The following MAPKAPK5 variants were observed in gnomAD, a reference collection of about 807,000 sequenced individuals.
The protein encoded by MAPKAPK5 is MAPK activated protein kinase 5.
MAPKAPK5 carries 30 observed loss-of-function variants against 65.1 expected under a neutral mutation model. That is an observed-to-expected ratio of 0.46 (90% CI 0.34 to 0.63). The LOEUF (loss-of-function observed/expected upper bound fraction) is 0.63, where lower values mean the gene tolerates loss of function less well. Among genes scored for constraint, MAPKAPK5 ranks in the 20% least tolerant of loss-of-function variants. MAPKAPK5 has a pLI of 0.01. For missense variants in MAPKAPK5, 433 were observed against 581.4 expected, an observed-to-expected ratio of 0.74 and a Z score of 2.63; for synonymous variants, 179 against 204.6, an observed-to-expected ratio of 0.87 and a Z score of 1.07.
intron 1 of MAPKAPK5, among the ~76,000 whole-genome samples, chr12:111,847,409 CCCTGTATCTTCTATTA>C (rs2068940954): frequency 1.3e-5 from 2 of 151,670 alleles, no homozygotes; most frequent in Admixed American, 1.3e-4. Context: ...ATCTTCTATT[CCCTGTATCTTCTATTA>C]CCTGTATCTC....
chr12:111,851,348 AAG>A (rs1384174026), intron 1 of MAPKAPK5, among the ~76,000 whole-genome samples: 1 of 152,020 alleles, frequency 6.6e-6, no homozygotes, highest in Non-Finnish European at 1.5e-5. Context: ...CTTTTTGAGA[AAG>A]AGTCTGGCTC....
intron 9 of MAPKAPK5, 163 bp from the exon 10 acceptor site, chr12:111,885,753 A>C: frequency 1.3e-6 from 1 of 755,330 alleles, no homozygotes; most frequent in South Asian, 1.9e-5. Flanking sequence ...TAGTACCCCT[A>C]CAAGTGGTTG....
chr12:111,870,196 C>T, intron 5 of MAPKAPK5, 75 bp from the exon 6 acceptor site: 2 of 971,186 alleles, frequency 2.1e-6, no homozygotes, highest in Non-Finnish European at 3.0e-6. Context: ...TTTTGACATC[C>T]TGAGTTCTCT....
At position 111,900,440 on chromosome 12, in the gene MAPKAPK5, T is replaced by C. The variant is rs1251170379; in HGVS notation, c.*7379T>C. ...AAGATAAGCACTTTTGCCTCATGCA[T>C]GAAAATATCACAAAAGAAAGTGGCT... On this transcript the variant is annotated 3_prime_UTR_variant, in exon 14 of 14. Coordinates refer to ENST00000550735, the MANE Select transcript of MAPKAPK5 (RefSeq NM_003668.4). 1 of 456,030 alleles carries C rather than the reference T, an allele frequency of 2.2e-6. No individual in the cohort carries two copies. The highest frequency in any genetic ancestry group is 4.4e-6 in the Non-Finnish European group (1 of 226,784). 28.2% of individuals were successfully genotyped at this position (456,030 alleles called of 1,614,324 possible). A position where few individuals can be genotyped will look rare whatever the true frequency, so the allele number is the denominator to read the frequency against.
chr12:111,855,542 G>T (rs1008486175), intron 1 of MAPKAPK5, among the ~76,000 whole-genome samples: 10 of 152,046 alleles, frequency 6.6e-5, no homozygotes, highest in Admixed American at 4.6e-4. Context: ...TAAGTGTGTT[G>T]TTTAGGCCAG....
At position 111,885,900 on chromosome 12, in the gene MAPKAPK5, G is replaced by A; in HGVS notation, c.849-16G>A. On this transcript the variant is annotated splice_polypyrimidine_tract_variant and intron_variant, in intron 9 of 13. Coordinates refer to ENST00000550735, the MANE Select transcript of MAPKAPK5 (RefSeq NM_003668.4). ...AGCAACTGTGCATGGCAGCCCTGTTGGCGTTTTCTCCACAGGCTCCTGAAG... is the reference window on the plus strand; with the variant it reads ...AGCAACTGTGCATGGCAGCCCTGTTAGCGTTTTCTCCACAGGCTCCTGAAG... 3 of 1,613,806 alleles carry A rather than the reference G, an allele frequency of 1.9e-6. No individual in the cohort carries two copies.
rs1345327834 is a variant in MAPKAPK5, at chr12:111,901,041, A to C, written c.*7980A>C. On this transcript the variant is annotated 3_prime_UTR_variant, in exon 14 of 14. Coordinates refer to ENST00000550735, the MANE Select transcript of MAPKAPK5 (RefSeq NM_003668.4). ...TGGTAATATATTTTGTGGGAAACTTATATGTTCAGGTATTACAGGCTTACC... is the reference window on the plus strand; with the variant it reads ...TGGTAATATATTTTGTGGGAAACTTCTATGTTCAGGTATTACAGGCTTACC... The C allele has an allele frequency of 4.4e-6, 2 of 455,938 alleles. No homozygotes were observed. Among genetic ancestry groups the C allele is most frequent in the Admixed American group, 4.7e-5 (2 of 42,550 alleles). The allele number at this position is 455,938 out of a possible 1,614,324, so 28.2% of individuals were successfully genotyped here.
intron 1 of MAPKAPK5, 76 bp from the exon 2 acceptor site, chr12:111,865,174 G>C: frequency 1.1e-6 from 1 of 894,214 alleles, no homozygotes; most frequent in Non-Finnish European, 1.8e-6. Context: ...CAGGTCTTCT[G>C]TTGTCCCATC....
chr12:111,865,420 G>T, intron 2 of MAPKAPK5, 97 bp downstream of exon 2: 1 of 828,286 alleles, frequency 1.2e-6, no homozygotes, highest in South Asian at 1.5e-5. Context: ...CACATCAGGT[G>T]TGCCAGATTT....
rs2070489024 is a variant in MAPKAPK5, at chr12:111,888,509, C to G, written c.991C>G (p.Gln331Glu). 2 of 1,613,772 alleles carry G rather than the reference C, an allele frequency of 1.2e-6. No individual in the cohort carries two copies. Among genetic ancestry groups the G allele is most frequent in the African/African-American group, 1.3e-5 (1 of 74,912 alleles). Residue 331 changes from glutamine to glutamate, a missense_variant, in exon 11 of 14, where the codon CAG becomes GAG. This residue lies in a region of MAPKAPK5 where 169 missense variants were observed against 215.6 expected (regional missense o/e 0.78). Transcript: ENST00000550735. ...TCAGGCAGTGGTTGCAGGAATCCAG[C>G]AGGCTCACGCGGAACAGTTGGCCAA... ...MDKAVVAGIQ[Q>E]AHAEQLANMR...
At position 111,880,484 on chromosome 12, in the gene MAPKAPK5, C is replaced by A. The variant is rs1049589744; in HGVS notation, c.617C>A (p.Ser206Tyr). The change falls in exon 8 of 14, where the codon TCT (serine) becomes TAT (tyrosine). Residue 206 changes from serine to tyrosine, a missense_variant. Physicochemically the swap from Ser to Tyr is moderately radical, Grantham distance 144. Transcript: ENST00000550735. ...CAAAGAAGGCATCAGAAGGAGAAAT[C>A]TGGCATCATACCTACCTCACCGACG... ...EAQRRHQKEK[S>Y]GIIPTSPTPY... 1.9e-6 allele frequency: 3 copies of A among 1,612,644 alleles called. No individual in the cohort carries two copies. Among genetic ancestry groups the A allele is most frequent in the Admixed American group, 3.3e-5 (2 of 59,908 alleles).
At chr12:111,856,395 C>CT (rs59520011) in intron 1 of MAPKAPK5, among the ~76,000 whole-genome samples, 129,619 of 143,338 alleles carry the variant, frequency 0.9, 58,859 homozygotes, top group East Asian at 1. Context: ...TCTCCCTCTT[C>CT]TTTTTTTTTC....
chr12:111,894,766 ATGTGTGTGTG>A lies in MAPKAPK5; in HGVS notation c.*1722_*1731del, dbSNP rs1555276322. 9 of 146,020 alleles carry A rather than the reference ATGTGTGTGTG, an allele frequency of 6.2e-5. No individual in the cohort carries two copies. Among genetic ancestry groups the A allele is most frequent in the Non-Finnish European group, 1.0e-4 (7 of 66,778 alleles). The allele number at this position is 146,020 out of a possible 1,614,324, so 9.0% of individuals were successfully genotyped here. A position where few individuals can be genotyped will look rare whatever the true frequency, so the allele number is the denominator to read the frequency against. ...CCATAACAAACCAATTTTCGTGTAT[ATGTGTGTGTG>A]TGTGTGTGTGTGTGTGAAGCAGTTT... On this transcript the variant is annotated 3_prime_UTR_variant, in exon 14 of 14. Coordinates refer to ENST00000550735, the MANE Select transcript of MAPKAPK5 (RefSeq NM_003668.4).
intron 1 of MAPKAPK5, among the ~76,000 whole-genome samples, chr12:111,854,491 G>A (rs951877040): frequency 1.3e-5 from 2 of 152,028 alleles, no homozygotes; most frequent in Admixed American, 6.6e-5. Context: ...CACCTGCCTC[G>A]GCCTCCCAAA....
intron 1 of MAPKAPK5, among the ~76,000 whole-genome samples, chr12:111,853,289 G>A (rs1477485219): frequency 4.6e-5 from 7 of 151,918 alleles, no homozygotes; most frequent in Middle Eastern, 3.4e-3. Context: ...GAAGAATGGC[G>A]CGAACCTGGG....
At position 111,898,653 on chromosome 12, in the gene MAPKAPK5, C is replaced by T. The variant is rs566429120; in HGVS notation, c.*5592C>T. 15 of 152,090 alleles carry T rather than the reference C, an allele frequency of 9.9e-5. No homozygotes were observed. The highest frequency in any genetic ancestry group is 1.7e-4 in the African/African-American group (7 of 41,456). 9.4% of individuals were successfully genotyped at this position (152,090 alleles called of 1,614,324 possible). On this transcript the variant is annotated 3_prime_UTR_variant, in exon 14 of 14. Coordinates refer to ENST00000550735, the MANE Select transcript of MAPKAPK5 (RefSeq NM_003668.4). ...TCTAAACTCATTTGTTATGAACCAA[C>T]GATAATGAGGGAAAACTTGGACATC...
At chr12:111,846,409 C>T (rs1370285852) in intron 1 of MAPKAPK5, among the ~76,000 whole-genome samples, 3 of 152,126 alleles carry the variant, frequency 2.0e-5, no homozygotes, top group Non-Finnish European at 2.9e-5. Flanking sequence ...CACGGTTTTG[C>T]TTTCCACAAT....
intron 3 of MAPKAPK5, 125 bp downstream of exon 3, chr12:111,866,356 T>C: frequency 1.4e-6 from 1 of 726,052 alleles, no homozygotes. Flanking sequence ...AAACTTTACC[T>C]CTCTTCCCCA....
chr12:111,888,638 C>T lies in MAPKAPK5; in HGVS notation c.1100+20C>T. On this transcript the variant is annotated intron_variant, in intron 11 of 13. Transcript: ENST00000550735. ...ACTTGGGTAACTGAGCTTATTTCTTCGATTCTTCTTCATGGCTGGAATGGC... is the reference window on the plus strand; with the variant it reads ...ACTTGGGTAACTGAGCTTATTTCTTTGATTCTTCTTCATGGCTGGAATGGC... The T allele has an allele frequency of 9.9e-6, 16 of 1,612,460 alleles. No homozygotes were observed. Among genetic ancestry groups the T allele is most frequent in the Non-Finnish European group, 1.3e-5 (15 of 1,179,412 alleles).
Sources: gnomAD v4.1 joint callset for allele counts (sites outside exome capture counted in the v4.1 genomes callset) on GRCh38, gnomAD v4.1.1 for gene constraint, gnomAD v4.1.1 regional missense constraint, MANE v1.5 for transcripts, NCBI Gene and HGNC (gene_info 2026-07-23, HGNC 2026-07-21) for gene names.